PPP3CB: variants seen among roughly 807,000 people sequenced by gnomAD.
PPP3CB encodes protein phosphatase 3 catalytic subunit beta, also known as serine/threonine-protein phosphatase 2B catalytic subunit beta isoform.
A neutral mutation model predicts 66.4 loss-of-function variants in PPP3CB; 8 were observed. The ratio of observed to expected loss-of-function variants is 0.12; its 90% CI spans 0.07 to 0.22. PPP3CB has a LOEUF of 0.22. PPP3CB is among the 10% of genes least tolerant of loss of function. PPP3CB has a pLI of 1.00. For synonymous variants in PPP3CB, 208 were observed against 221.2 expected (o/e 0.94, Z 0.53); for missense variants, 319 against 642.5 (o/e 0.50, Z 5.44).
chr10:73,438,709 C>T (rs536823269), intron 13 of PPP3CB, among the ~76,000 whole-genome samples: 2 of 152,278 alleles, frequency 1.3e-5, no homozygotes, highest in East Asian at 1.9e-4. Flanking sequence ...AATCAACCTC[C>T]AGGCAATGGT....
chr10:73,455,085 A>C (rs2056404134), intron 9 of PPP3CB, among the ~76,000 whole-genome samples: 1 of 151,310 alleles, frequency 6.6e-6, no homozygotes, highest in Non-Finnish European at 1.5e-5. Context: ...GGGTTTCACC[A>C]TGTTGGTCAG....
chr10:73,440,578 TC>T (rs1313452031), intron 12 of PPP3CB, among the ~76,000 whole-genome samples: 2 of 152,176 alleles, frequency 1.3e-5, no homozygotes, highest in African/African-American at 4.8e-5. Context: ...ACCAGTAACT[TC>T]CTTTCTATTC....
At chr10:73,465,308 A>G (rs989381635) in intron 9 of PPP3CB, among the ~76,000 whole-genome samples, 3 of 152,088 alleles carry the variant, frequency 2.0e-5, no homozygotes, top group African/African-American at 7.2e-5. Context: ...TGTACAGTGT[A>G]TTCTCAAACT....
chr10:73,439,752 T>C, intron 13 of PPP3CB, 120 bp downstream of exon 13: 4 of 1,089,538 alleles, frequency 3.7e-6, no homozygotes, highest in Non-Finnish European at 5.3e-6. Context: ...ACTTGATGAA[T>C]CAGTGAGTCT....
chr10:73,453,610 C>T (rs2056379339), intron 10 of PPP3CB, among the ~76,000 whole-genome samples: 1 of 152,070 alleles, frequency 6.6e-6, no homozygotes, highest in Non-Finnish European at 1.5e-5. Context: ...GCTATTAAAT[C>T]TTACCAATAT....
chr10:73,482,299 C>G (rs941657691), intron 1 of PPP3CB, among the ~76,000 whole-genome samples: 6 of 151,604 alleles, frequency 4.0e-5, no homozygotes, highest in Non-Finnish European at 7.4e-5. Flanking sequence ...AATCCCAGCA[C>G]TTTGGAAGGC....
In PPP3CB at chr10:73,491,796, CG is replaced by C. The variant is rs530745039; in HGVS notation, c.85+4008del. Among the ~76,000 whole-genome samples, 356 of 151,986 alleles carry C rather than the reference CG, an allele frequency of 2.3e-3. 8 individuals are homozygous for C. Among genetic ancestry groups the C allele is most frequent in the African/African-American group, 7.6e-3 (317 of 41,450 alleles). On this transcript the variant is annotated intron_variant, in intron 1 of 13. Coordinates refer to ENST00000360663, the MANE Select transcript of PPP3CB (RefSeq NM_021132.4). ...CAGCCTGACCAACATGGAGAAATGTCGTCTCTACTAAAAATACAAAATTAGC... is the reference window on the plus strand; with the variant it reads ...CAGCCTGACCAACATGGAGAAATGTCTCTCTACTAAAAATACAAAATTAGC...
intron 1 of PPP3CB, among the ~76,000 whole-genome samples, chr10:73,480,522 G>A (rs929201273): frequency 6.9e-6 from 1 of 144,722 alleles, no homozygotes; most frequent in Non-Finnish European, 1.5e-5. Flanking sequence ...TCGGCTCACT[G>A]CAACCTTCGC....
intron 12 of PPP3CB, among the ~76,000 whole-genome samples, chr10:73,440,897 A>G (rs1276084578): frequency 6.6e-6 from 1 of 152,216 alleles, no homozygotes; most frequent in Non-Finnish European, 1.5e-5. Context: ...TTTATAGTCA[A>G]AGATTCTTTT....
intron 10 of PPP3CB, chr10:73,448,700 G>T (rs186416212): frequency 1.9e-6 from 1 of 533,294 alleles, no homozygotes; most frequent in South Asian, 1.4e-5. Flanking sequence ...TCTTCAGATG[G>T]AGAGTCCAGA....
rs1201590984 is a variant in PPP3CB, at chr10:73,443,245, AG to A, written c.1366+1479del. Among the ~76,000 whole-genome samples the A allele has an allele frequency of 1.1e-3, 157 of 145,360 alleles. 2 individuals carry two copies. Among genetic ancestry groups the A allele is most frequent in the African/African-American group, 4.0e-3 (150 of 37,676 alleles). ...CAAAAAAAGAAAGACAGAGAGAGAG[AG>A]AGAAAGAGAGAGAGAGAGAGAGAAA... is the stretch of plus-strand genomic sequence containing the variant. On this transcript the variant is annotated intron_variant, in intron 12 of 13. Coordinates refer to ENST00000360663, the MANE Select transcript of PPP3CB (RefSeq NM_021132.4).
At chr10:73,450,596 T>G (rs1589687937) in intron 10 of PPP3CB, among the ~76,000 whole-genome samples, 1 of 152,126 alleles carries the variant, frequency 6.6e-6, no homozygotes. Context: ...GTGAAAACAA[T>G]GAAGAGTAAT....
At chr10:73,462,813 G>A (rs2056545855) in intron 9 of PPP3CB, among the ~76,000 whole-genome samples, 1 of 151,810 alleles carries the variant, frequency 6.6e-6, no homozygotes, top group South Asian at 2.1e-4. Context: ...AGCTAGGTGT[G>A]GTGACATGCA....
intron 1 of PPP3CB, among the ~76,000 whole-genome samples, chr10:73,481,798 T>A (rs1030117321): frequency 6.0e-5 from 9 of 149,330 alleles, no homozygotes; most frequent in Non-Finnish European, 1.3e-4. Context: ...AAATCACTAA[T>A]CCCTCTTTTT....
chr10:73,454,305 C>A, intron 10 of PPP3CB, 107 bp downstream of exon 10: 1 of 573,644 alleles, frequency 1.7e-6, no homozygotes, highest in South Asian at 3.6e-5. Flanking sequence ...ATAGCATAGT[C>A]TCTGAAAGCA....
In PPP3CB at chr10:73,485,950, G is replaced by GTGTGTGTGTGTGTGTGTGTGTGTGTA. The variant is rs58404946; in HGVS notation, c.86-6434_86-6433insTACACACACACACACACACACACACA. Among the ~76,000 whole-genome samples, 20 of 124,684 alleles carry GTGTGTGTGTGTGTGTGTGTGTGTGTA rather than the reference G, an allele frequency of 1.6e-4. 1 individual carries two copies. In the East Asian group the frequency reaches 2.1e-3, roughly 13 times the overall value. 81.8% of individuals were successfully genotyped at this position (124,684 alleles called of 152,430 possible). ...TGTGTGTGTGTGTGTGTGTGTGTGTGTATTTTTTTTTTTCAGATGCAGTCT... is the reference window on the plus strand; with the variant it reads ...TGTGTGTGTGTGTGTGTGTGTGTGTGTGTGTGTGTGTGTGTGTGTGTGTGTATATTTTTTTTTTTCAGATGCAGTCT... On this transcript the variant is annotated intron_variant, in intron 1 of 13. Coordinates refer to ENST00000360663, the MANE Select transcript of PPP3CB (RefSeq NM_021132.4).
At chr10:73,453,406 T>C (rs1398289799) in intron 10 of PPP3CB, among the ~76,000 whole-genome samples, 1 of 152,092 alleles carries the variant, frequency 6.6e-6, no homozygotes, top group Non-Finnish European at 1.5e-5. Flanking sequence ...AATTAAATTT[T>C]CGTGTGTGTG....
At chr10:73,484,459 G>C (rs553216544) in intron 1 of PPP3CB, among the ~76,000 whole-genome samples, 2 of 151,966 alleles carry the variant, frequency 1.3e-5, no homozygotes, top group Admixed American at 6.5e-5. Flanking sequence ...TTTTAGTAGA[G>C]ATGGGGTTTC....
chr10:73,470,790 CAAATAGCTT>C lies in PPP3CB; in HGVS notation c.888-18_888-10del. 6.3e-7 allele frequency: 1 copy of C among 1,593,450 alleles called. No individual in the cohort carries two copies. The highest frequency in any genetic ancestry group is 1.3e-5 in the African/African-American group (1 of 74,346). The stretch of plus-strand genomic sequence containing the variant: ...TTCTGTACATTCTATAGCTGCAAAA[CAAATAGCTT>C]AATATGCATCGTAAAGCATCAATCA... On this transcript the variant is annotated splice_polypyrimidine_tract_variant and intron_variant, in intron 7 of 13. Transcript: ENST00000360663.
Sources: allele counts gnomAD v4.1 joint callset (sites outside exome capture counted in the v4.1 genomes callset), GRCh38; gene constraint gnomAD v4.1.1; transcripts MANE v1.5; gene names NCBI Gene and HGNC (gene_info 2026-07-23, HGNC 2026-07-21).